Variants in CSTPP1 observed in about 807,000 individuals in gnomAD.
CSTPP1 encodes the protein centriolar satellite-associated tubulin polyglutamylase complex regulator 1.
the CSTPP1 span, among the ~76,000 whole-genome samples, chr11:47,083,235 T>C: frequency 6.6e-6 from 1 of 152,244 alleles, no homozygotes; most frequent in African/African-American, 2.4e-5. Flanking sequence ...TATGGCTGCA[T>C]CACTTACAGT....
At chr11:47,018,494 C>T in the CSTPP1 span, among the ~76,000 whole-genome samples, 1 of 151,860 alleles carries the variant, frequency 6.6e-6, no homozygotes, top group Non-Finnish European at 1.5e-5. Context: ...GGGGTTTCAC[C>T]ATCTTGGCCA....
At chr11:47,025,812 T>C in the CSTPP1 span, among the ~76,000 whole-genome samples, 1 of 152,194 alleles carries the variant, frequency 6.6e-6, no homozygotes, top group South Asian at 2.1e-4. Flanking sequence ...TACCTTAAAA[T>C]GTTGTCTAGT....
the CSTPP1 span, among the ~76,000 whole-genome samples, chr11:47,150,515 C>T: frequency 3.3e-5 from 5 of 152,126 alleles, no homozygotes; most frequent in South Asian, 4.1e-4. Context: ...AGGAGGTTTC[C>T]GAGAACTGCA....
the CSTPP1 span, among the ~76,000 whole-genome samples, chr11:47,109,927 T>C: frequency 6.6e-6 from 1 of 152,256 alleles, no homozygotes; most frequent in Non-Finnish European, 1.5e-5. Context: ...AACACTCTTG[T>C]TGCTGATTCC....
chr11:46,988,106 G>A, the CSTPP1 span, among the ~76,000 whole-genome samples: 1 of 152,210 alleles, frequency 6.6e-6, no homozygotes, highest in African/African-American at 2.4e-5. Flanking sequence ...CTTCTACACT[G>A]TTGATGGGGA....
chr11:46,992,560 A>G, the CSTPP1 span, among the ~76,000 whole-genome samples: 1 of 152,126 alleles, frequency 6.6e-6, no homozygotes, highest in African/African-American at 2.4e-5. Flanking sequence ...CCTACAAAGG[A>G]CATGATCTCA....
the CSTPP1 span, among the ~76,000 whole-genome samples, chr11:47,021,106 G>A: frequency 6.6e-6 from 1 of 152,128 alleles, no homozygotes; most frequent in Non-Finnish European, 1.5e-5. Flanking sequence ...TGCTTATTGC[G>A]GTCATTGTTG....
At chr11:47,096,047 C>T in the CSTPP1 span, among the ~76,000 whole-genome samples, 1 of 152,090 alleles carries the variant, frequency 6.6e-6, no homozygotes, top group South Asian at 2.1e-4. Context: ...TGGGGTATGG[C>T]CAGAGAATCT....
chr11:47,137,210 G>C, the CSTPP1 span: 1 of 1,174,890 alleles, frequency 8.5e-7, no homozygotes, highest in Non-Finnish European at 1.1e-6. Flanking sequence ...CGTTAGTACT[G>C]CTTCCAGATA....
At chr11:46,937,478 C>A in the CSTPP1 span, among the ~76,000 whole-genome samples, 1 of 152,146 alleles carries the variant, frequency 6.6e-6, no homozygotes, top group Non-Finnish European at 1.5e-5. Flanking sequence ...CTTTGTTGAG[C>A]ATCTTTAGTG....
chr11:47,139,399 C>T, the CSTPP1 span, among the ~76,000 whole-genome samples: 1 of 152,070 alleles, frequency 6.6e-6, no homozygotes, highest in Non-Finnish European at 1.5e-5. Context: ...AGCAGCTGGG[C>T]GTGGTAGCTC....
the CSTPP1 span, among the ~76,000 whole-genome samples, chr11:47,060,258 CTTT>C: frequency 7.1e-5 from 7 of 99,022 alleles, no homozygotes; most frequent in Non-Finnish European, 7.8e-5. Flanking sequence ...CTTTTCTTTT[CTTT>C]TTTTTTTTTT....
the CSTPP1 span, among the ~76,000 whole-genome samples, chr11:47,079,971 C>T: frequency 6.6e-6 from 1 of 151,948 alleles, no homozygotes; most frequent in Non-Finnish European, 1.5e-5. Flanking sequence ...GTTGCACACA[C>T]CTGTAATCCC....
chr11:47,063,501 C>T, the CSTPP1 span, among the ~76,000 whole-genome samples: 28 of 152,082 alleles, frequency 1.8e-4, no homozygotes, highest in Non-Finnish European at 1.2e-4. Flanking sequence ...CTCCTCCAGT[C>T]CCTAGAAACC....
At chr11:47,057,215 C>T in the CSTPP1 span, among the ~76,000 whole-genome samples, 1 of 152,096 alleles carries the variant, frequency 6.6e-6, no homozygotes, top group African/African-American at 2.4e-5. Context: ...TTTAAAATTA[C>T]ACTTCTCACT....
chr11:47,080,632 G>GTAA, the CSTPP1 span, among the ~76,000 whole-genome samples: 6 of 151,986 alleles, frequency 3.9e-5, no homozygotes, highest in African/African-American at 1.4e-4. Flanking sequence ...AAAGCCCAAG[G>GTAA]TAATCAAATT....
At chr11:47,010,188 C>T in the CSTPP1 span, among the ~76,000 whole-genome samples, 1 of 152,152 alleles carries the variant, frequency 6.6e-6, no homozygotes, top group African/African-American at 2.4e-5. Flanking sequence ...GAAGCGAAGA[C>T]TACTTGGGAA....
chr11:47,090,164 T>C, the CSTPP1 span, among the ~76,000 whole-genome samples: 1 of 152,088 alleles, frequency 6.6e-6, no homozygotes, highest in African/African-American at 2.4e-5. Flanking sequence ...TGTGTGTTTT[T>C]AGTAGAGACG....
chr11:47,146,134 G>A, the CSTPP1 span, among the ~76,000 whole-genome samples: 3 of 151,988 alleles, frequency 2.0e-5, no homozygotes, highest in South Asian at 4.2e-4. Flanking sequence ...AGGCCGAGGC[G>A]GGTGGATCAC....
Sources: allele counts gnomAD v4.1 joint callset (sites outside exome capture counted in the v4.1 genomes callset), GRCh38; gene constraint gnomAD v4.1.1; transcripts MANE v1.5; gene names NCBI Gene and HGNC (gene_info 2026-07-23, HGNC 2026-07-21).